The following SLC26A5 variants were observed in gnomAD, a reference collection of about 807,000 sequenced individuals.
SLC26A5 encodes the protein solute carrier family 26 member 5.
Under a neutral mutation model 81.0 loss-of-function variants are expected in SLC26A5, and 51 were observed. The observed-to-expected ratio is 0.63, with a 90% CI of 0.50 to 0.80. The LOEUF is 0.80. SLC26A5 is among the 30% of genes least tolerant of loss of function. The pLI, the probability that SLC26A5 is intolerant of heterozygous loss-of-function variation, is 0.00. For missense variants in SLC26A5, 771 were observed against 905.8 expected (o/e 0.85, Z 1.91); for synonymous variants, 325 against 332.8 (o/e 0.98, Z 0.25).
At chr7:103,402,621 G>A (rs973752771) in intron 8 of SLC26A5, among the ~76,000 whole-genome samples, 3 of 151,870 alleles carry the variant, frequency 2.0e-5, no homozygotes, top group Non-Finnish European at 4.4e-5. Context: ...ATATGGTCTT[G>A]ATCTCTTGAC....
At chr7:103,409,009 A>C (rs1014779356) in intron 7 of SLC26A5, among the ~76,000 whole-genome samples, 3 of 152,216 alleles carry the variant, frequency 2.0e-5, no homozygotes, top group Non-Finnish European at 2.9e-5. Context: ...GAATTTTGTT[A>C]TTTAGAGAAT....
chr7:103,401,712 C>A (rs1823606849), intron 8 of SLC26A5, among the ~76,000 whole-genome samples: 1 of 152,098 alleles, frequency 6.6e-6, no homozygotes, highest in Non-Finnish European at 1.5e-5. Context: ...ATAAATAGCT[C>A]TTATTATTTT....
At position 103,367,607 on chromosome 7, in the gene SLC26A5, G is replaced by T. The variant is rs374218623; in HGVS notation, c.2041+9201C>A. On this transcript the variant is annotated intron_variant, in intron 19 of 19. Transcript: ENST00000339444. The surrounding 1 kb of genome is among the most constrained non-coding windows in gnomAD (Gnocchi z 6.1). Reference sequence around the variant, plus strand: ...TAGAAAAATTGAATTTAGCTTGCCCGATCTAGAGGTAAGAAAACCATTTCA... The same window carrying T: ...TAGAAAAATTGAATTTAGCTTGCCCTATCTAGAGGTAAGAAAACCATTTCA... 1.2e-6 allele frequency: 2 copies of T among 1,613,790 alleles called. No homozygotes were observed. The highest frequency in any genetic ancestry group is 1.7e-5 in the Admixed American group (1 of 59,964).
chr7:103,373,511 G>C (rs1425777926), downstream of SLC26A5, among the ~76,000 whole-genome samples: 1 of 152,136 alleles, frequency 6.6e-6, no homozygotes, highest in Non-Finnish European at 1.5e-5. Context: ...CTACAGGACC[G>C]CTGCCCCAGT....
intron 14 of SLC26A5, among the ~76,000 whole-genome samples, chr7:103,385,248 G>A (rs372915345): frequency 2.6e-4 from 39 of 151,936 alleles, no homozygotes; most frequent in African/African-American, 8.0e-4. Context: ...TACAAGCTCC[G>A]CCTCCCCGGG....
chr7:103,378,043 A>C (rs1384794851), intron 17 of SLC26A5, among the ~76,000 whole-genome samples: 2 of 152,076 alleles, frequency 1.3e-5, no homozygotes, highest in East Asian at 3.9e-4. Flanking sequence ...GTCCAACAAA[A>C]TCCACTCTCC....
At chr7:103,397,104 G>GA (rs771771741) in intron 9 of SLC26A5, among the ~76,000 whole-genome samples, 3,499 of 89,508 alleles carry the variant, frequency 0.039, 143 homozygotes, top group African/African-American at 0.12. Flanking sequence ...CAAAAAAAAA[G>GA]AAAAAAAAAA....
chr7:103,421,971 C>G (rs1420510625), intron 2 of SLC26A5, among the ~76,000 whole-genome samples: 1 of 152,142 alleles, frequency 6.6e-6, no homozygotes, highest in Non-Finnish European at 1.5e-5. Flanking sequence ...CTATATTAGC[C>G]TCATTTCCAA....
At position 103,393,014 on chromosome 7, in the gene SLC26A5, C is replaced by G; in HGVS notation, c.1024G>C (p.Asp342His). 1 of 1,613,984 alleles carries G rather than the reference C, an allele frequency of 6.2e-7. No individual in the cohort carries two copies. Among genetic ancestry groups the G allele is most frequent in the Middle Eastern group, 1.7e-4 (1 of 6,056 alleles). ...DTSLFHLVYVDAIAIAIVGFS... is the reference protein window; with the variant it reads ...DTSLFHLVYVHAIAIAIVGFS... ...CCAACGATGGCTATGGCAATGGCAT[C>G]TACGTACACAAGGTGGAAGAGGCTG... The change falls in exon 10 of 20, where the codon GAT (aspartate) becomes CAT (histidine). Residue 342 changes from aspartate (D) to histidine (H), a missense_variant. Coordinates refer to ENST00000306312, the MANE Select transcript of SLC26A5 (RefSeq NM_198999.3).
chr7:103,394,110 G>A (rs1406587413), intron 9 of SLC26A5, among the ~76,000 whole-genome samples: 1 of 152,074 alleles, frequency 6.6e-6, no homozygotes, highest in Non-Finnish European at 1.5e-5. Flanking sequence ...AACCTGCTTG[G>A]CCACAGCTAT....
At chr7:103,364,346 A>G (rs1820575193) in intron 19 of SLC26A5, 1 of 1,603,810 alleles carries the variant, frequency 6.2e-7, no homozygotes, top group Non-Finnish European at 8.5e-7. Flanking sequence ...GCCTTGTGAA[A>G]GATTTTACAG....
intron 1 of SLC26A5, chr7:103,445,892 C>T (rs1827272051): frequency 1.3e-5 from 2 of 152,364 alleles, no homozygotes; most frequent in South Asian, 4.1e-4. Context: ...GAGACTTTCT[C>T]CTTCCCGGCG....
At chr7:103,445,535 A>G (rs1403754215) in intron 1 of SLC26A5, 2 of 152,144 alleles carry the variant, frequency 1.3e-5, no homozygotes, top group African/African-American at 2.4e-5. Flanking sequence ...TCCCTTCGTG[A>G]CCGGATAAGT....
At chr7:103,416,022 C>T (rs191755467) in intron 4 of SLC26A5, among the ~76,000 whole-genome samples, 1 of 152,178 alleles carries the variant, frequency 6.6e-6, no homozygotes, top group Non-Finnish European at 1.5e-5. Context: ...TCTTCCAACC[C>T]TGACTAAATA....
chr7:103,374,599 AAAGAAG>A lies in SLC26A5; in HGVS notation c.2042-13_2042-8del. On this transcript the variant is annotated splice_polypyrimidine_tract_variant and splice_region_variant and intron_variant, in intron 19 of 19. Coordinates refer to ENST00000306312, the MANE Select transcript of SLC26A5 (RefSeq NM_198999.3). ...AGGTCATTCACAACTTGTGCTATTA[AAAGAAG>A]AAAAGAAAATTAGTCCACACTCTGG... The A allele has an allele frequency of 6.2e-7, 1 of 1,613,778 alleles. No individual in the cohort carries two copies. The highest frequency in any genetic ancestry group is 1.7e-4 in the Middle Eastern group (1 of 5,954).
At chr7:103,374,157 T>G, downstream of SLC26A5, 2 of 1,290,788 alleles carry the variant, frequency 1.5e-6, no homozygotes, top group Non-Finnish European at 2.0e-6. Context: ...AAGATAATAC[T>G]AGAATGTAGC....
intron 18 of SLC26A5, 35 bp from the exon 19 acceptor site, chr7:103,376,897 T>G (rs376520148): frequency 2.7e-5 from 38 of 1,404,864 alleles, no homozygotes; most frequent in Non-Finnish European, 3.8e-5. Flanking sequence ...TAGTTTCTCT[T>G]TACTCTGTGC....
At chr7:103,388,604 T>C in intron 14 of SLC26A5, 1 of 337,180 alleles carries the variant, frequency 3.0e-6, no homozygotes, top group Non-Finnish European at 5.8e-6. Context: ...GAAATGACAG[T>C]GGAAGGAATG....
chr7:103,445,657 G>C (rs117864045), intron 1 of SLC26A5: 2 of 152,366 alleles, frequency 1.3e-5, no homozygotes, highest in African/African-American at 4.8e-5. Context: ...AGCCCAGCCC[G>C]GCACAGGAGG....
Sources: allele counts gnomAD v4.1 joint callset (sites outside exome capture counted in the v4.1 genomes callset), GRCh38; gene constraint gnomAD v4.1.1; non-coding constraint Gnocchi (gnomAD v3.1); transcripts MANE v1.5; gene names NCBI Gene and HGNC (gene_info 2026-07-23, HGNC 2026-07-21).